Variants in MEI4 observed in about 807,000 individuals in gnomAD.
MEI4 encodes the protein meiosis-specific protein MEI4.
In MEI4, 27 loss-of-function variants were observed where a neutral mutation model predicts 31.4. The observed-to-expected ratio is 0.86, with a 90% confidence interval of 0.63 to 1.19. The LOEUF is 1.19. MEI4 is among the 50% of genes most tolerant of loss of function. MEI4 has a pLI of 0.00. For synonymous variants in MEI4, 122 were observed against 145.4 expected (o/e 0.84, Z 1.16); for missense variants, 329 against 398.9 (o/e 0.82, Z 1.49).
intron 4 of MEI4, among the ~76,000 whole-genome samples, chr6:77,856,045 C>T (rs1770739126): frequency 6.6e-6 from 1 of 152,074 alleles, no homozygotes; most frequent in African/African-American, 2.4e-5. Flanking sequence ...TGGTATCTTG[C>T]CCTGGAAATC....
chr6:77,735,466 C>T (rs1266315186), intron 2 of MEI4, among the ~76,000 whole-genome samples: 1 of 152,022 alleles, frequency 6.6e-6, no homozygotes, highest in Non-Finnish European at 1.5e-5. Flanking sequence ...AGTTCTCGAG[C>T]CTTGGTTTTC....
chr6:77,726,640 C>T (rs56096318), intron 2 of MEI4, among the ~76,000 whole-genome samples: 20,940 of 151,234 alleles, frequency 0.14, 1,534 homozygotes, highest in Middle Eastern at 0.21. Flanking sequence ...ATTAAAGGAC[C>T]GTGTAATAGG....
intron 4 of MEI4, among the ~76,000 whole-genome samples, chr6:77,877,270 AATAT>A (rs751028973): frequency 2.0e-5 from 3 of 151,746 alleles, no homozygotes; most frequent in Non-Finnish European, 4.4e-5. Flanking sequence ...TATGTGTGAA[AATAT>A]ATATATATTT....
rs1427752658 is a variant in MEI4 at position 77,690,713 on chromosome 6, T to C, written c.42T>C (p.Ala14=). The change falls in exon 2 of 5, where the codon GCT becomes GCC. Residue 14 remains alanine (A), a synonymous_variant. Transcript: ENST00000684080. ...GGTATTTGAGAACTTCAAAGCTGGC[T>C]CTGGCCTTGGCAATTATCCGCTCAA... is the stretch of plus-strand genomic sequence containing the variant. ...QKWYLRTSKL[A]LALAIIRSKP... 8.1e-7 allele frequency: 1 copy of C among 1,231,490 alleles called. No individual in the cohort carries two copies. The highest frequency in any genetic ancestry group is 1.0e-6 in the Non-Finnish European group (1 of 987,404). The allele number at this position is 1,231,490 out of a possible 1,614,324, so 76.3% of individuals were successfully genotyped here. A position where few individuals can be genotyped will look rare whatever the true frequency, so the allele number is the denominator to read the frequency against.
chr6:77,878,129 G>A (rs1459398335), intron 4 of MEI4, among the ~76,000 whole-genome samples: 1 of 152,050 alleles, frequency 6.6e-6, no homozygotes, highest in Non-Finnish European at 1.5e-5. Flanking sequence ...CATCAGAGGT[G>A]GCATTGTGTT....
intron 3 of MEI4, among the ~76,000 whole-genome samples, chr6:77,785,227 GT>G: frequency 6.6e-6 from 1 of 152,220 alleles, no homozygotes; most frequent in South Asian, 2.1e-4. Context: ...TTGTAAATTT[GT>G]AAAACTTTAT....
At chr6:77,914,854 A>G (rs1165585268) in intron 4 of MEI4, among the ~76,000 whole-genome samples, 1 of 152,064 alleles carries the variant, frequency 6.6e-6, no homozygotes, top group African/African-American at 2.4e-5. Flanking sequence ...CTTAAAGTCT[A>G]TTTTATCAAA....
chr6:77,761,302 T>C lies in MEI4; in HGVS notation c.405T>C (p.Leu135=), dbSNP rs2127682424. Residue 135 remains leucine (L), a synonymous_variant, in exon 3 of 5, where the codon CTT becomes CTC. Transcript: ENST00000684080. ...CTPTHFPPLP[L]VKRPCAILQN... ...CCACTCACTTTCCACCACTGCCTCT[T>C]GTGAAAAGACCTTGTGCTATCCTGC... 1.6e-6 allele frequency: 2 copies of C among 1,232,656 alleles called. No homozygotes were observed. Among genetic ancestry groups the C allele is most frequent in the East Asian group, 3.2e-5 (1 of 31,698 alleles). The allele number at this position is 1,232,656 out of a possible 1,614,324, so 76.4% of individuals were successfully genotyped here.
intron 3 of MEI4, among the ~76,000 whole-genome samples, chr6:77,791,331 C>T (rs2127696037): frequency 6.6e-6 from 1 of 152,080 alleles, no homozygotes; most frequent in East Asian, 1.9e-4. Context: ...CACATATACA[C>T]CATGGAATAC....
chr6:77,706,433 T>C (rs1766335143), intron 2 of MEI4, among the ~76,000 whole-genome samples: 1 of 152,210 alleles, frequency 6.6e-6, no homozygotes, highest in Non-Finnish European at 1.5e-5. Flanking sequence ...TATATGGCTG[T>C]CCATTCTGCA....
chr6:77,702,630 C>T (rs1391808314), intron 2 of MEI4, among the ~76,000 whole-genome samples: 1 of 152,104 alleles, frequency 6.6e-6, no homozygotes, highest in Non-Finnish European at 1.5e-5. Flanking sequence ...TTAACTGTAG[C>T]CTTTGCCCCT....
At chr6:77,748,282 C>T (rs2127676474) in intron 2 of MEI4, among the ~76,000 whole-genome samples, 1 of 152,360 alleles carries the variant, frequency 6.6e-6, no homozygotes, top group Non-Finnish European at 1.5e-5. Context: ...CAGCAGACTT[C>T]TGCCTGGACA....
chr6:77,873,194 GT>G (rs530683883), intron 4 of MEI4, among the ~76,000 whole-genome samples: 14 of 152,280 alleles, frequency 9.2e-5, no homozygotes, highest in African/African-American at 3.4e-4. Flanking sequence ...TTCCACAATG[GT>G]TGAACTAGTT....
intron 4 of MEI4, among the ~76,000 whole-genome samples, chr6:77,865,181 C>G (rs1178717255): frequency 6.6e-6 from 1 of 152,010 alleles, no homozygotes; most frequent in Non-Finnish European, 1.5e-5. Flanking sequence ...ACTAGAGAAG[C>G]AAGAGCAAAC....
chr6:77,745,949 T>C (rs1302986028), intron 2 of MEI4, among the ~76,000 whole-genome samples: 1 of 151,954 alleles, frequency 6.6e-6, no homozygotes, highest in East Asian at 1.9e-4. Context: ...CATACCAGAA[T>C]CTCTGGGACA....
intron 2 of MEI4, among the ~76,000 whole-genome samples, chr6:77,712,671 G>A (rs1766492569): frequency 6.6e-6 from 1 of 152,090 alleles, no homozygotes; most frequent in Admixed American, 6.6e-5. Flanking sequence ...AATTAATGAA[G>A]AAAGGAACAA....
chr6:77,665,554 G>T (rs772119651), intron 1 of MEI4, among the ~76,000 whole-genome samples: 1 of 152,184 alleles, frequency 6.6e-6, no homozygotes, highest in East Asian at 1.9e-4. Context: ...AGAAGAGCGG[G>T]ATTTGCTGCT....
intron 1 of MEI4, among the ~76,000 whole-genome samples, chr6:77,687,468 G>C (rs1321024727): frequency 6.6e-6 from 1 of 152,038 alleles, no homozygotes; most frequent in African/African-American, 2.4e-5. Context: ...ATTTTCAACA[G>C]TTCACCTCAA....
intron 2 of MEI4, among the ~76,000 whole-genome samples, chr6:77,706,052 C>A (rs1766324850): frequency 6.6e-6 from 1 of 152,132 alleles, no homozygotes; most frequent in Non-Finnish European, 1.5e-5. Flanking sequence ...CCCTTTCTGA[C>A]CTTCTCCCCT....
Sources: gnomAD v4.1 joint callset for allele counts (sites outside exome capture counted in the v4.1 genomes callset) on GRCh38, gnomAD v4.1.1 for gene constraint, MANE v1.5 for transcripts, NCBI Gene and HGNC (gene_info 2026-07-23, HGNC 2026-07-21) for gene names.